PDS5A: variants seen among roughly 807,000 people sequenced by gnomAD.
PDS5A encodes PDS5 cohesin associated factor A.
A neutral mutation model predicts 167.1 loss-of-function variants in PDS5A; 42 were observed. The observed-to-expected ratio is 0.25, with a 90% CI of 0.20 to 0.33. The LOEUF is 0.33. PDS5A is among the 10% of genes least tolerant of loss of function. The pLI, the probability that PDS5A is intolerant of heterozygous loss-of-function variation, is 1.00. For synonymous variants in PDS5A, 553 were observed against 554.6 expected, an observed-to-expected ratio of 1.00 and a Z score of 0.04; for missense variants, 1,033 against 1,605.9, an observed-to-expected ratio of 0.64 and a Z score of 6.10.
intron 32 of PDS5A, among the ~76,000 whole-genome samples, chr4:39,828,428 T>C (rs1287820535): frequency 6.6e-6 from 1 of 152,154 alleles, no homozygotes; most frequent in African/African-American, 2.4e-5. Flanking sequence ...AAAATAATCA[T>C]TACTGACCTA....
Position 39,925,841 on chromosome 4 carries a change from C to T in PDS5A, c.522G>A (p.Val174=), listed in dbSNP as rs1725408286. The part of the protein sequence containing the change: ...FIQLFRTLFS[V]INNSHNKKVQ... ...ATGCTTAAAAAATAACTTACTTGAT[C>T]ACTGAGAAGAGAGTTCTAAAAAGCT... Residue 174 remains valine, a synonymous_variant, in exon 5 of 33, where the codon GTG becomes GTA. Transcript: ENST00000303538. The T allele has an allele frequency of 7.5e-7, 1 of 1,329,318 alleles. No homozygotes were observed. The highest frequency in any genetic ancestry group is 1.1e-6 in the Non-Finnish European group (1 of 951,240). The allele number at this position is 1,329,318 out of a possible 1,614,324, so 82.3% of individuals were successfully genotyped here.
chr4:39,918,455 G>T (rs540340000), intron 7 of PDS5A, among the ~76,000 whole-genome samples: 1 of 152,044 alleles, frequency 6.6e-6, no homozygotes, highest in Non-Finnish European at 1.5e-5. Flanking sequence ...ACATGCAGAA[G>T]AATTAAATTT....
intron 18 of PDS5A, among the ~76,000 whole-genome samples, chr4:39,878,771 G>A (rs1720692600): frequency 6.6e-6 from 1 of 151,426 alleles, no homozygotes; most frequent in Admixed American, 6.6e-5. Flanking sequence ...TTTTTCGACA[G>A]TCTCACTCTG....
chr4:39,964,285 G>C (rs567548119), intron 2 of PDS5A, among the ~76,000 whole-genome samples: 2 of 152,150 alleles, frequency 1.3e-5, no homozygotes, highest in Non-Finnish European at 2.9e-5. Context: ...GAAGTACTCT[G>C]TGCTAGAGGT....
intron 16 of PDS5A, among the ~76,000 whole-genome samples, chr4:39,894,722 CAT>C (rs1377605296): frequency 3.3e-5 from 5 of 152,178 alleles, no homozygotes; most frequent in Admixed American, 2.0e-4. Context: ...CAAAGTTAGA[CAT>C]ATGTAATTGA....
At chr4:39,946,173 C>T (rs1257494602) in intron 2 of PDS5A, among the ~76,000 whole-genome samples, 3 of 142,582 alleles carry the variant, frequency 2.1e-5, no homozygotes, top group Non-Finnish European at 4.5e-5. Context: ...CATCACTGCA[C>T]TCAAACCTGG....
At chr4:39,893,900 G>GAGC (rs1252234386) in intron 16 of PDS5A, among the ~76,000 whole-genome samples, 1 of 152,212 alleles carries the variant, frequency 6.6e-6, no homozygotes, top group Non-Finnish European at 1.5e-5. Flanking sequence ...CTAATATCAA[G>GAGC]AGCACTGATT....
In PDS5A at chr4:39,923,331, T is replaced by TA. The variant is rs1178389893; in HGVS notation, c.528-584dup. ...CAACAGAGTGAGACTTTGTATCAAT[T>TA]AAAAAAAAAAAAAAAGAAAAAAAAA... On this transcript the variant is annotated intron_variant, in intron 5 of 32. Coordinates refer to ENST00000303538, the MANE Select transcript of PDS5A (RefSeq NM_001100399.2). Among the ~76,000 whole-genome samples the TA allele has an allele frequency of 5.8e-3, 383 of 65,720 alleles. 1 individual carries two copies. The highest frequency in any genetic ancestry group is 0.01 in the African/African-American group (171 of 16,390). 43.1% of individuals were successfully genotyped at this position (65,720 alleles called of 152,430 possible).
intron 17 of PDS5A, 40 bp from the exon 18 acceptor site, chr4:39,879,873 T>G (rs1292936639): frequency 1.9e-6 from 2 of 1,077,976 alleles, no homozygotes; most frequent in African/African-American, 1.5e-5. Context: ...ACCACTGTAG[T>G]AGTAACTATA....
chr4:39,927,237 C>T lies in PDS5A; in HGVS notation c.343-376G>A, dbSNP rs955375826. 1.8e-4 allele frequency among the ~76,000 whole-genome samples: 28 copies of T among 152,046 alleles called. 2 individuals carry two copies. Among genetic ancestry groups the T allele is most frequent in the Non-Finnish European group, 5.9e-5 (4 of 68,008 alleles). On this transcript the variant is annotated intron_variant, in intron 3 of 32. Transcript: ENST00000303538. ...ATATGAGTATTTCCATTACTATTAC[C>T]TACAAGTAAATAGTAATTTTTAGCC...
intron 2 of PDS5A, among the ~76,000 whole-genome samples, chr4:39,945,172 T>C (rs1470194956): frequency 6.6e-6 from 1 of 151,986 alleles, no homozygotes; most frequent in Non-Finnish European, 1.5e-5. Flanking sequence ...AAAATCTAAA[T>C]GCAGGCGGCC....
At chr4:39,865,699 A>G (rs889651038) in intron 23 of PDS5A, among the ~76,000 whole-genome samples, 3 of 152,148 alleles carry the variant, frequency 2.0e-5, no homozygotes, top group African/African-American at 7.2e-5. Flanking sequence ...CTAAATTTCT[A>G]TATTTTTAGT....
intron 2 of PDS5A, among the ~76,000 whole-genome samples, chr4:39,967,203 G>A (rs1451224443): frequency 6.6e-6 from 1 of 152,084 alleles, no homozygotes; most frequent in African/African-American, 2.4e-5. Context: ...TACTCAGGAG[G>A]CTGAAGCAGG....
chr4:39,835,221 A>C (rs2109476800), intron 32 of PDS5A, among the ~76,000 whole-genome samples: 1 of 152,294 alleles, frequency 6.6e-6, no homozygotes, highest in Middle Eastern at 3.4e-3. Context: ...CTGGGATTAT[A>C]GGTGTGAGCC....
intron 2 of PDS5A, among the ~76,000 whole-genome samples, chr4:39,957,258 C>A (rs1394920328): frequency 6.6e-6 from 1 of 151,860 alleles, no homozygotes; most frequent in African/African-American, 2.4e-5. Context: ...TACTTAGGGC[C>A]AGCGTGGGGG....
chr4:39,827,236 G>A (rs1715408186), intron 32 of PDS5A, among the ~76,000 whole-genome samples: 1 of 152,112 alleles, frequency 6.6e-6, no homozygotes, highest in Non-Finnish European at 1.5e-5. Flanking sequence ...CTGACCTAGT[G>A]ATCAGCCTGC....
chr4:39,954,820 G>C (rs1286622438), intron 2 of PDS5A, among the ~76,000 whole-genome samples: 2 of 151,688 alleles, frequency 1.3e-5, no homozygotes, highest in African/African-American at 4.8e-5. Context: ...TGAGGCAGGA[G>C]GATCACGTGA....
intron 16 of PDS5A, among the ~76,000 whole-genome samples, chr4:39,894,937 T>C (rs1722264482): frequency 6.6e-6 from 1 of 151,874 alleles, no homozygotes; most frequent in Non-Finnish European, 1.5e-5. Flanking sequence ...TTTTGAGAAA[T>C]GTGTTGTTGG....
chr4:39,914,556 G>A (rs547160264), intron 8 of PDS5A, among the ~76,000 whole-genome samples: 2 of 152,204 alleles, frequency 1.3e-5, no homozygotes, highest in East Asian at 3.9e-4. Flanking sequence ...AGCAATGCAA[G>A]AATCAAAAGA....
Sources: allele counts gnomAD v4.1 joint callset (sites outside exome capture counted in the v4.1 genomes callset), GRCh38; gene constraint gnomAD v4.1.1; transcripts MANE v1.5; gene names NCBI Gene and HGNC (gene_info 2026-07-23, HGNC 2026-07-21).